Variants in ACO1 observed in about 807,000 individuals in gnomAD.
ACO1 encodes aconitase 1, also known as cytoplasmic aconitate hydratase.
In ACO1, 78 loss-of-function variants were observed where a neutral mutation model predicts 105.1. The ratio of observed to expected loss-of-function variants is 0.74; its 90% CI spans 0.62 to 0.90. The LOEUF is 0.90. ACO1 is among the 40% of genes least tolerant of loss of function. The probability of loss-of-function intolerance (pLI) is 0.00; values close to 1 mark genes in which losing one functional copy is unlikely to be tolerated. For missense variants in ACO1, 965 were observed against 1,111.1 expected, an observed-to-expected ratio of 0.87 and a Z score of 1.87; for synonymous variants, 364 against 397.4, an observed-to-expected ratio of 0.92 and a Z score of 1.00.
At chr9:32,394,148 TTAATG>T (rs1197619923) in intron 1 of ACO1, among the ~76,000 whole-genome samples, 1 of 152,224 alleles carries the variant, frequency 6.6e-6, no homozygotes, top group Non-Finnish European at 1.5e-5. Context: ...TTTTGTGCCT[TTAATG>T]TATTGTTTCA....
At chr9:32,429,588 TC>T in intron 13 of ACO1, 85 bp downstream of exon 13, 1 of 1,190,676 alleles carries the variant, frequency 8.4e-7, no homozygotes, top group Non-Finnish European at 1.2e-6. Context: ...TTCAAGAAGG[TC>T]CATGGAAGCA....
intron 4 of ACO1, among the ~76,000 whole-genome samples, chr9:32,412,764 A>G (rs1267960368): frequency 6.6e-6 from 1 of 152,188 alleles, no homozygotes; most frequent in Non-Finnish European, 1.5e-5. Flanking sequence ...TATGCGTAAA[A>G]TGTTATCCTG....
At chr9:32,398,877 G>A (rs1454320920) in intron 1 of ACO1, among the ~76,000 whole-genome samples, 1 of 152,172 alleles carries the variant, frequency 6.6e-6, no homozygotes, top group Non-Finnish European at 1.5e-5. Flanking sequence ...TTACAGGCAT[G>A]AGCCACTGCA....
intron 19 of ACO1, among the ~76,000 whole-genome samples, chr9:32,443,834 T>C (rs1485505141): frequency 3.3e-5 from 5 of 152,148 alleles, no homozygotes; most frequent in African/African-American, 1.2e-4. Flanking sequence ...CTGTATTTCA[T>C]TGTTGTGTTT....
At chr9:32,449,920 C>A in intron 20 of ACO1, 78 bp from the exon 21 acceptor site, 2 of 1,110,494 alleles carry the variant, frequency 1.8e-6, no homozygotes, top group South Asian at 1.3e-5. Context: ...ACCTGAGGGG[C>A]AGGCTGGGCA....
At position 32,450,791 on chromosome 9, in the gene ACO1, A is replaced by G. The variant is rs1740048295; in HGVS notation, c.*680A>G. On this transcript the variant is annotated 3_prime_UTR_variant, in exon 21 of 21. Coordinates refer to ENST00000309951, the MANE Select transcript of ACO1 (RefSeq NM_002197.3). ...CCTTTGTTGGGAGGCGGTTTGGGAGAACACATTTCTAATTTGAATGAAATG... is the reference window on the plus strand; with the variant it reads ...CCTTTGTTGGGAGGCGGTTTGGGAGGACACATTTCTAATTTGAATGAAATG... 1 of 152,018 alleles carries G rather than the reference A, an allele frequency of 6.6e-6. No individual in the cohort carries two copies. Among genetic ancestry groups the G allele is most frequent in the Admixed American group, 6.5e-5 (1 of 15,278 alleles). 9.4% of individuals were successfully genotyped at this position (152,018 alleles called of 1,614,324 possible).
At chr9:32,405,697 T>G in intron 2 of ACO1, 94 bp downstream of exon 2, 76 of 821,748 alleles carry the variant, frequency 9.2e-5, no homozygotes, top group Non-Finnish European at 1.4e-4. Flanking sequence ...GAAGAGGGAG[T>G]AGCAGAGAAT....
intron 17 of ACO1, chr9:32,435,962 A>C (rs1397366982): frequency 3.6e-6 from 2 of 558,764 alleles, no homozygotes; most frequent in Non-Finnish European, 6.8e-6. Context: ...ACTAACAAAT[A>C]AAACATTCTT....
In ACO1 at chr9:32,384,711, C is replaced by G; in HGVS notation, c.-47C>G. 2.4e-6 allele frequency: 1 copy of G among 412,896 alleles called. No individual in the cohort carries two copies. Among genetic ancestry groups the G allele is most frequent in the Non-Finnish European group, 4.8e-6 (1 of 207,648 alleles). 25.6% of individuals were successfully genotyped at this position (412,896 alleles called of 1,614,324 possible). On this transcript the variant is annotated 5_prime_UTR_variant, in exon 1 of 21. Coordinates refer to ENST00000309951, the MANE Select transcript of ACO1 (RefSeq NM_002197.3). Reference sequence around the variant, plus strand: ...CTGCTTGGGTCAGGTTCGCCGGTCGCGGGAGCCCCGCCGTGCAGTCGGAGG... The same window carrying G: ...CTGCTTGGGTCAGGTTCGCCGGTCGGGGGAGCCCCGCCGTGCAGTCGGAGG...
chr9:32,431,572 C>A, intron 14 of ACO1, 147 bp from the exon 15 acceptor site: 4 of 808,406 alleles, frequency 4.9e-6, no homozygotes, highest in Non-Finnish European at 7.6e-6. Context: ...TGTATTTCCT[C>A]CAGTGGCAGT....
rs1262031695 is a variant in ACO1 at position 32,452,161 on chromosome 9, A to G, written c.*2050A>G. 1 of 152,124 alleles carries G rather than the reference A, an allele frequency of 6.6e-6. No homozygotes were observed. The highest frequency in any genetic ancestry group is 1.5e-5 in the Non-Finnish European group (1 of 68,048). 9.4% of individuals were successfully genotyped at this position (152,124 alleles called of 1,614,324 possible). A position where few individuals can be genotyped will look rare whatever the true frequency, so the allele number is the denominator to read the frequency against. ...CAGTCCTAGAATAAAAACACTAAGA[A>G]TGGCTGAGAAAACAGACCTCCACCC... On this transcript the variant is annotated 3_prime_UTR_variant, in exon 21 of 21. Coordinates refer to ENST00000309951, the MANE Select transcript of ACO1 (RefSeq NM_002197.3).
intron 15 of ACO1, among the ~76,000 whole-genome samples, chr9:32,433,107 C>G (rs1822275242): frequency 6.6e-6 from 1 of 152,176 alleles, no homozygotes; most frequent in Non-Finnish European, 1.5e-5. Flanking sequence ...TCTCAATAAT[C>G]TAATCTAGGA....
At chr9:32,423,855 A>G (rs1822029753) in intron 9 of ACO1, among the ~76,000 whole-genome samples, 1 of 152,216 alleles carries the variant, frequency 6.6e-6, no homozygotes, top group Non-Finnish European at 1.5e-5. Flanking sequence ...TCACCGCTAA[A>G]GAACTTATTC....
intron 19 of ACO1, among the ~76,000 whole-genome samples, chr9:32,444,978 G>C (rs1274523314): frequency 9.2e-5 from 14 of 152,150 alleles, no homozygotes; most frequent in Non-Finnish European, 2.1e-4. Flanking sequence ...CTTGATCATG[G>C]TAGATAAGCT....
At chr9:32,390,643 A>T (rs935563934) in intron 1 of ACO1, among the ~76,000 whole-genome samples, 6 of 152,238 alleles carry the variant, frequency 3.9e-5, no homozygotes, top group African/African-American at 1.4e-4. Flanking sequence ...AGTATAAAAG[A>T]AATCCATCAC....
At chr9:32,411,507 A>G (rs1015075633) in intron 4 of ACO1, among the ~76,000 whole-genome samples, 1 of 152,206 alleles carries the variant, frequency 6.6e-6, no homozygotes, top group Non-Finnish European at 1.5e-5. Context: ...GCAAAGTGTT[A>G]ATATACTTAA....
At position 32,435,866 on chromosome 9, in the gene ACO1, C is replaced by T. The variant is rs1017150251; in HGVS notation, c.2100-384C>T. ...CTGTTTGTGGCTCCATCTGATTTGCCTACCCTAATTCTTCCCTTTGCTTCC... is the reference window on the plus strand; with the variant it reads ...CTGTTTGTGGCTCCATCTGATTTGCTTACCCTAATTCTTCCCTTTGCTTCC... On this transcript the variant is annotated intron_variant, in intron 17 of 20. Coordinates refer to ENST00000309951, the MANE Select transcript of ACO1 (RefSeq NM_002197.3). 2.3e-5 allele frequency: 8 copies of T among 350,540 alleles called. 1 individual carries two copies. Among genetic ancestry groups the T allele is most frequent in the Admixed American group, 3.8e-5 (1 of 26,302 alleles). 21.7% of individuals were successfully genotyped at this position (350,540 alleles called of 1,614,324 possible).
At position 32,418,365 on chromosome 9, in the gene ACO1, C is replaced by G; in HGVS notation, c.512C>G (p.Pro171Arg). Reference protein sequence around the residue: ...SQAFHNMRIIPPGSGIIHQVN... With the variant: ...SQAFHNMRIIRPGSGIIHQVN... ...GCTTTTCACAACATGCGGATTATTC[C>G]CCCTGGCTCAGGAATCATCCACCAG... is the stretch of plus-strand genomic sequence containing the variant. Residue 171 changes from proline to arginine, a missense_variant, in exon 6 of 21, where the codon CCC becomes CGC. By Grantham distance (103) the Pro-to-Arg change is moderately radical. Transcript: ENST00000309951. 1 of 1,614,104 alleles carries G rather than the reference C, an allele frequency of 6.2e-7. No individual in the cohort carries two copies. Among genetic ancestry groups the G allele is most frequent in the East Asian group, 2.2e-5 (1 of 44,890 alleles).
intron 19 of ACO1, among the ~76,000 whole-genome samples, chr9:32,446,336 A>G (rs1822607188): frequency 6.6e-6 from 1 of 152,150 alleles, no homozygotes. Flanking sequence ...TCCCTTTACC[A>G]TTATGTAATG....
Sources: allele counts gnomAD v4.1 joint callset (sites outside exome capture counted in the v4.1 genomes callset), GRCh38; gene constraint gnomAD v4.1.1; transcripts MANE v1.5; gene names NCBI Gene and HGNC (gene_info 2026-07-23, HGNC 2026-07-21).